The following GSTCD variants were observed in gnomAD, a reference collection of about 807,000 sequenced individuals.
GSTCD encodes glutathione S-transferase C-terminal domain-containing protein.
Under a neutral mutation model 68.3 loss-of-function variants are expected in GSTCD, and 44 were observed. The ratio of observed to expected loss-of-function variants is 0.64; its 90% CI spans 0.51 to 0.83. The LOEUF (loss-of-function observed/expected upper bound fraction) is 0.83. Ranked by LOEUF, GSTCD falls within the 40% of genes least tolerant of loss-of-function variation. GSTCD has a pLI of 0.00. For synonymous variants in GSTCD, 273 were observed against 255.2 expected (o/e 1.07, Z -0.67); for missense variants, 739 against 735.9 (o/e 1.00, Z -0.05).
intron 5 of GSTCD, among the ~76,000 whole-genome samples, chr4:105,789,956 A>G (rs1460498762): frequency 6.6e-6 from 1 of 152,040 alleles, no homozygotes; most frequent in Non-Finnish European, 1.5e-5. Context: ...TTAATGACAT[A>G]ATAACCCTTA....
At chr4:105,714,421 G>A (rs1353961642) in intron 1 of GSTCD, among the ~76,000 whole-genome samples, 3 of 151,232 alleles carry the variant, frequency 2.0e-5, no homozygotes, top group Non-Finnish European at 2.9e-5. Context: ...GAAAATTAGC[G>A]AACTAAGGCA....
At chr4:105,816,920 C>A (rs897239291) in intron 5 of GSTCD, among the ~76,000 whole-genome samples, 1 of 151,958 alleles carries the variant, frequency 6.6e-6, no homozygotes, top group Non-Finnish European at 1.5e-5. Flanking sequence ...AAAATGTCAT[C>A]TACCCTAACA....
intron 5 of GSTCD, among the ~76,000 whole-genome samples, chr4:105,760,318 CTGTGG>C (rs1734357692): frequency 6.6e-6 from 1 of 152,092 alleles, no homozygotes; most frequent in African/African-American, 2.4e-5. Flanking sequence ...ATTTGGAAGC[CTGTGG>C]GAGCAGGTAA....
chr4:105,712,931 A>G (rs1338457295), intron 1 of GSTCD, among the ~76,000 whole-genome samples: 13 of 152,150 alleles, frequency 8.5e-5, no homozygotes, highest in Admixed American at 4.6e-4. Context: ...CGGCTGGGAT[A>G]TACATGTAAG....
chr4:105,800,927 G>A (rs1274173525), intron 5 of GSTCD, among the ~76,000 whole-genome samples: 1 of 152,018 alleles, frequency 6.6e-6, no homozygotes, highest in African/African-American at 2.4e-5. Flanking sequence ...TGAGTTCACA[G>A]CCAACAGCAC....
At position 105,719,383 on chromosome 4, in the gene GSTCD, A is replaced by G. The variant is rs746402441; in HGVS notation, c.750A>G (p.Glu250=). ...CATTCTCAAAGCTCACAGTACAGGAAGAACCAGCTACTACCAACAGAGAGC... is the reference window on the plus strand; with the variant it reads ...CATTCTCAAAGCTCACAGTACAGGAGGAACCAGCTACTACCAACAGAGAGC... ...KVAFSKLTVQ[E]EPATTNREPS... Residue 250 remains glutamate (E), a synonymous_variant, in exon 3 of 12, where the codon GAA becomes GAG. Transcript: ENST00000515279. The G allele has an allele frequency of 1.2e-6, 2 of 1,614,008 alleles. No homozygotes were observed. Among genetic ancestry groups the G allele is most frequent in the African/African-American group, 1.3e-5 (1 of 74,930 alleles).
chr4:105,801,507 T>A (rs1736103726), intron 5 of GSTCD, among the ~76,000 whole-genome samples: 1 of 152,130 alleles, frequency 6.6e-6, no homozygotes, highest in Admixed American at 6.6e-5. Context: ...TCTTACAAGT[T>A]TTTTAAAGTA....
intron 10 of GSTCD, chr4:105,840,458 A>T (rs1315443664): frequency 1.3e-5 from 3 of 227,792 alleles, no homozygotes; most frequent in Non-Finnish European, 2.7e-5. Context: ...TATCCCTTTT[A>T]AAAAACCAAC....
intron 10 of GSTCD, among the ~76,000 whole-genome samples, chr4:105,838,109 G>A (rs1007527795): frequency 6.6e-6 from 1 of 152,276 alleles, no homozygotes; most frequent in Non-Finnish European, 1.5e-5. Context: ...TCTACTTGCA[G>A]TCTAACAAGT....
At chr4:105,816,225 G>A (rs17036258) in intron 5 of GSTCD, among the ~76,000 whole-genome samples, 6,785 of 152,200 alleles carry the variant, frequency 0.045, 204 homozygotes, top group Middle Eastern at 0.13. Context: ...ATGGAAGGGT[G>A]AAAGGTGCAT....
intron 9 of GSTCD, among the ~76,000 whole-genome samples, chr4:105,837,373 A>G (rs933155182): frequency 1.3e-5 from 2 of 151,594 alleles, no homozygotes; most frequent in African/African-American, 2.4e-5. Flanking sequence ...CAAACTAGCC[A>G]CTCCCAAGCC....
intron 5 of GSTCD, among the ~76,000 whole-genome samples, chr4:105,731,355 A>G (rs997649056): frequency 5.3e-5 from 8 of 152,224 alleles, no homozygotes; most frequent in African/African-American, 1.9e-4. Context: ...GATTCTTCCT[A>G]TCCATGAGCA....
intron 5 of GSTCD, among the ~76,000 whole-genome samples, chr4:105,751,623 G>A (rs1025975509): frequency 1.5e-4 from 23 of 152,208 alleles, no homozygotes; most frequent in African/African-American, 5.5e-4. Flanking sequence ...GATTAATATA[G>A]TCTAGGAGTA....
intron 5 of GSTCD, among the ~76,000 whole-genome samples, chr4:105,755,914 C>G (rs1380710245): frequency 1.3e-5 from 2 of 150,682 alleles, no homozygotes; most frequent in Non-Finnish European, 2.9e-5. Flanking sequence ...CTACAGTCAT[C>G]TCTCATGGTG....
intron 4 of GSTCD, among the ~76,000 whole-genome samples, chr4:105,727,690 C>CAA (rs565298989): frequency 3.7e-5 from 5 of 135,344 alleles, no homozygotes; most frequent in African/African-American, 1.4e-4. Flanking sequence ...AACCCTGTTT[C>CAA]AAAAAAAAAA....
chr4:105,769,158 ATATTT>A (rs1734732719), intron 5 of GSTCD, among the ~76,000 whole-genome samples: 1 of 152,050 alleles, frequency 6.6e-6, no homozygotes, highest in Non-Finnish European at 1.5e-5. Flanking sequence ...TCATTAAATA[ATATTT>A]TATTTTCAAT....
At chr4:105,722,263 C>G (rs867835497) in intron 3 of GSTCD, among the ~76,000 whole-genome samples, 1 of 152,028 alleles carries the variant, frequency 6.6e-6, no homozygotes, top group Non-Finnish European at 1.5e-5. Context: ...CTAAATACCT[C>G]TTCCTGTGTT....
chr4:105,832,953 G>A (rs1423115295), intron 8 of GSTCD, among the ~76,000 whole-genome samples: 9 of 152,270 alleles, frequency 5.9e-5, no homozygotes, highest in African/African-American at 2.2e-4. Flanking sequence ...GCCTTTACTG[G>A]ATACCAGCCT....
At chr4:105,842,022 A>G in intron 10 of GSTCD, 43 bp from the exon 11 acceptor site, 1 of 1,462,044 alleles carries the variant, frequency 6.8e-7, no homozygotes, top group Non-Finnish European at 9.6e-7. Flanking sequence ...ACTTTGAAGC[A>G]GAAGATAAAA....
Sources: allele counts gnomAD v4.1 joint callset (sites outside exome capture counted in the v4.1 genomes callset), GRCh38; gene constraint gnomAD v4.1.1; transcripts MANE v1.5; gene names NCBI Gene and HGNC (gene_info 2026-07-23, HGNC 2026-07-21).